Variants in RAF1 observed in about 807,000 individuals in gnomAD.
RAF1 encodes the protein Raf-1 proto-oncogene, serine/threonine kinase.
A neutral mutation model predicts 81.1 loss-of-function variants in RAF1; 27 were observed. The ratio of observed to expected loss-of-function variants is 0.33; its 90% CI spans 0.25 to 0.46. The LOEUF is 0.46. RAF1 is among the 20% of genes least tolerant of loss of function. The pLI, the probability that RAF1 is intolerant of heterozygous loss-of-function variation, is 1.00. For synonymous variants in RAF1, 298 were observed against 294.0 expected (o/e 1.01, Z -0.14); for missense variants, 598 against 826.0 (o/e 0.72, Z 3.38).
rs577592388 is a variant in RAF1, at chr3:12,646,752, T to C, written c.-27+17061A>G. On this transcript the variant is annotated intron_variant, in intron 1 of 17. Transcript: ENST00000442415. ...TATTTAGTAGAGACGGGTTTTACTA[T>C]GTTGGCCAGACTTGTCTCAAACTCC... Among the ~76,000 whole-genome samples the C allele has an allele frequency of 4.6e-5, 7 of 151,694 alleles. No homozygotes were observed. In the South Asian group the frequency reaches 1.3e-3, roughly 27 times the overall value.
At chr3:12,591,071 C>G in intron 12 of RAF1, 97 bp from the exon 12 acceptor site, 1 of 1,168,428 alleles carries the variant, frequency 8.6e-7, no homozygotes, top group Non-Finnish European at 1.2e-6. Flanking sequence ...GCTGTCGACA[C>G]CACCCCCAGT....
At chr3:12,634,347 C>T (rs897187897) in intron 1 of RAF1, among the ~76,000 whole-genome samples, 3 of 151,218 alleles carry the variant, frequency 2.0e-5, no homozygotes, top group Non-Finnish European at 4.4e-5. Context: ...GATGGCGTTT[C>T]GCCATGTTGG....
At chr3:12,651,842 T>G (rs1195083240) in intron 1 of RAF1, among the ~76,000 whole-genome samples, 1 of 150,094 alleles carries the variant, frequency 6.7e-6, no homozygotes, top group African/African-American at 2.5e-5. Context: ...AAAACCCGTC[T>G]CTACTAAAAA....
In RAF1 at chr3:12,584,422, A is replaced by C; in HGVS notation, c.*92T>G. 6.5e-7 allele frequency: 1 copy of C among 1,529,704 alleles called. No individual in the cohort carries two copies. The highest frequency in any genetic ancestry group is 2.3e-5 in the East Asian group (1 of 44,328). The allele number at this position is 1,529,704 out of a possible 1,614,324, so 94.8% of individuals were successfully genotyped here. A position where few individuals can be genotyped will look rare whatever the true frequency, so the allele number is the denominator to read the frequency against. Reference sequence around the variant, plus strand: ...CCTTAGCAGCAGCTTCTCTGAAAACATGTGTTCTGCCTCTGGAGAAAGGGA... The same window carrying C: ...CCTTAGCAGCAGCTTCTCTGAAAACCTGTGTTCTGCCTCTGGAGAAAGGGA... On this transcript the variant is annotated 3_prime_UTR_variant, in exon 18 of 18. Transcript: ENST00000442415.
intron 2 of RAF1, among the ~76,000 whole-genome samples, chr3:12,615,188 A>T (rs758919747): frequency 1.3e-5 from 2 of 152,228 alleles, no homozygotes; most frequent in Admixed American, 6.5e-5. Flanking sequence ...GCTGACTCTA[A>T]TAGTAGTGGT....
At chr3:12,655,376 G>A (rs1220915124) in intron 1 of RAF1, among the ~76,000 whole-genome samples, 10 of 152,152 alleles carry the variant, frequency 6.6e-5, no homozygotes, top group Non-Finnish European at 1.2e-4. Flanking sequence ...ATGAGCCACC[G>A]TGCCCAGCCC....
Position 12,618,640 on chromosome 3 carries a change from T to A in RAF1, c.82A>T (p.Ile28Phe), listed in dbSNP as rs1470487278. The A allele has an allele frequency of 6.2e-7, 1 of 1,614,230 alleles. No individual in the cohort carries two copies. The highest frequency in any genetic ancestry group is 1.1e-5 in the South Asian group (1 of 91,090). ...AACTGCTGAACTATTGTAGGAGAGATGCAGCTGGAGCCATCAAACACGGCA... is the reference window on the plus strand; with the variant it reads ...AACTGCTGAACTATTGTAGGAGAGAAGCAGCTGGAGCCATCAAACACGGCA... The change falls in exon 2 of 18, where the codon ATC becomes TTC. Residue 28 changes from isoleucine (I) to phenylalanine (F), a missense_variant. Ile to Phe is a conservative substitution (Grantham distance 21). Around this residue, in one of 5 missense-constraint regions of RAF1, gnomAD observed 83 missense variants for 72.3 expected, o/e 1.15. Coordinates refer to ENST00000442415, the MANE Select transcript of RAF1 (RefSeq NM_001354689.3).
At chr3:12,603,284 A>AT (rs1237482654) in intron 8 of RAF1, among the ~76,000 whole-genome samples, 2 of 151,974 alleles carry the variant, frequency 1.3e-5, no homozygotes, top group Non-Finnish European at 2.9e-5. Flanking sequence ...CACATACAAC[A>AT]TTTTTTTTAC....
At chr3:12,594,016 C>T (rs927937946) in intron 11 of RAF1, among the ~76,000 whole-genome samples, 15 of 152,116 alleles carry the variant, frequency 9.9e-5, no homozygotes, top group African/African-American at 3.4e-4. Flanking sequence ...ATGTTTCAGA[C>T]TGGGCACATC....
intron 2 of RAF1, among the ~76,000 whole-genome samples, chr3:12,615,735 C>T (rs1213357180): frequency 1.3e-5 from 2 of 152,118 alleles, no homozygotes; most frequent in African/African-American, 2.4e-5. Context: ...TCAAGGACTA[C>T]ATAGATGTAT....
At chr3:12,602,719 CATAATG>C (rs1406773928) in intron 8 of RAF1, among the ~76,000 whole-genome samples, 10 of 152,152 alleles carry the variant, frequency 6.6e-5, no homozygotes, top group Non-Finnish European at 1.5e-5. Flanking sequence ...CAGGACTAAT[CATAATG>C]ATAAAGTCAA....
At chr3:12,652,827 G>A (rs1012002896) in intron 1 of RAF1, among the ~76,000 whole-genome samples, 1 of 151,782 alleles carries the variant, frequency 6.6e-6, no homozygotes, top group East Asian at 1.9e-4. Context: ...AGCTACTCAG[G>A]AGACTGAGGC....
At chr3:12,648,501 G>C (rs1365718048) in intron 1 of RAF1, among the ~76,000 whole-genome samples, 1 of 152,138 alleles carries the variant, frequency 6.6e-6, no homozygotes, top group Admixed American at 6.6e-5. Context: ...TCTACACACT[G>C]GCATCACTCA....
chr3:12,610,773 A>T (rs540995592), intron 3 of RAF1, among the ~76,000 whole-genome samples: 1 of 152,324 alleles, frequency 6.6e-6, no homozygotes, highest in African/African-American at 2.4e-5. Context: ...GAGGGTAAAA[A>T]AGAACCCTTT....
At chr3:12,630,139 G>C (rs2059819365) in intron 1 of RAF1, among the ~76,000 whole-genome samples, 1 of 152,104 alleles carries the variant, frequency 6.6e-6, no homozygotes, top group Non-Finnish European at 1.5e-5. Context: ...GAGGATAAAG[G>C]GGAAGTTACT....
At chr3:12,643,940 C>G (rs2060268114) in intron 1 of RAF1, among the ~76,000 whole-genome samples, 1 of 152,078 alleles carries the variant, frequency 6.6e-6, no homozygotes, top group Non-Finnish European at 1.5e-5. Flanking sequence ...TGGTCCACCT[C>G]TAGAAATAAC....
intron 1 of RAF1, among the ~76,000 whole-genome samples, chr3:12,633,383 T>C (rs1287219926): frequency 6.7e-6 from 1 of 148,948 alleles, no homozygotes; most frequent in Non-Finnish European, 1.5e-5. Flanking sequence ...TAGGCTGAGG[T>C]GGGAGGATCA....
intron 1 of RAF1, among the ~76,000 whole-genome samples, chr3:12,653,537 G>A (rs897195390): frequency 5.3e-5 from 8 of 152,068 alleles, no homozygotes; most frequent in Admixed American, 3.9e-4. Context: ...TTGAGGTCAG[G>A]AGTTCGAGAC....
At chr3:12,629,721 C>T (rs2059808265) in intron 1 of RAF1, among the ~76,000 whole-genome samples, 1 of 152,200 alleles carries the variant, frequency 6.6e-6, no homozygotes, top group South Asian at 2.1e-4. Context: ...TGGCAGCCTA[C>T]TCTGGCTTCC....
Sources: gnomAD v4.1 joint callset for allele counts (sites outside exome capture counted in the v4.1 genomes callset) on GRCh38, gnomAD v4.1.1 for gene constraint, gnomAD v4.1.1 regional missense constraint, MANE v1.5 for transcripts, NCBI Gene and HGNC (gene_info 2026-07-23, HGNC 2026-07-21) for gene names.